The following SEH1L variants were observed in gnomAD, a reference collection of about 807,000 sequenced individuals.
SEH1L encodes nucleoporin SEH1.
Under a neutral mutation model 49.5 loss-of-function variants are expected in SEH1L, and 18 were observed. That is an observed-to-expected ratio of 0.36 (90% CI 0.25 to 0.54). The LOEUF (loss-of-function observed/expected upper bound fraction) is 0.54, where lower values mean the gene tolerates loss of function less well. SEH1L is among the 20% of genes least tolerant of loss of function. The pLI is 0.87. For synonymous variants in SEH1L, 169 were observed against 178.1 expected (o/e 0.95, Z 0.41); for missense variants, 404 against 528.8 (o/e 0.76, Z 2.31).
In SEH1L at chr18:12,971,257, T is replaced by A; in HGVS notation, c.620+6T>A. 1.9e-6 allele frequency: 3 copies of A among 1,578,838 alleles called. No homozygotes were observed. Among genetic ancestry groups the A allele is most frequent in the Non-Finnish European group, 2.6e-6 (3 of 1,149,170 alleles). ...GAATATAATGAAAACACCAGGTCAG[T>A]CCTGCTTTGGTTTTAATAATTGTTC... is the stretch of plus-strand genomic sequence containing the variant. On this transcript the variant is annotated splice_donor_region_variant and intron_variant, in intron 5 of 8. Coordinates refer to ENST00000399892, the MANE Select transcript of SEH1L (RefSeq NM_001013437.2).
At chr18:12,952,015 C>G in intron 2 of SEH1L, 110 bp downstream of exon 2, 1 of 556,436 alleles carries the variant, frequency 1.8e-6, no homozygotes, top group Non-Finnish European at 3.0e-6. Flanking sequence ...AGTTCTTTTC[C>G]TGGGAAGACA....
intron 3 of SEH1L, among the ~76,000 whole-genome samples, chr18:12,956,136 C>T (rs1318899803): frequency 6.6e-6 from 1 of 151,866 alleles, no homozygotes; most frequent in Non-Finnish European, 1.5e-5. Flanking sequence ...GCTCCGCCTC[C>T]CGGGTTCACG....
At chr18:12,955,636 A>G in intron 3 of SEH1L, 27 bp downstream of exon 3, 1 of 1,608,770 alleles carries the variant, frequency 6.2e-7, no homozygotes, top group Non-Finnish European at 8.5e-7. Context: ...TATTCTGGGG[A>G]CCGGGAAGAC....
At chr18:12,983,821 T>A (rs1361120690) in intron 7 of SEH1L, among the ~76,000 whole-genome samples, 1 of 152,226 alleles carries the variant, frequency 6.6e-6, no homozygotes. Flanking sequence ...AGCTTTATAT[T>A]TTTAAAATTA....
chr18:12,948,376 G>A, intron 1 of SEH1L, 144 bp downstream of exon 1: 1 of 593,052 alleles, frequency 1.7e-6, no homozygotes, highest in Non-Finnish European at 2.9e-6. Context: ...TGGACTGAGC[G>A]GAAGCCCTCC....
chr18:12,978,884 G>T lies in SEH1L; in HGVS notation c.753G>T (p.Lys251Asn), dbSNP rs745846105. 1 of 1,613,726 alleles carries T rather than the reference G, an allele frequency of 6.2e-7. No homozygotes were observed. The highest frequency in any genetic ancestry group is 2.2e-5 in the East Asian group (1 of 44,862). ...AAGATGTGAGAATTTTTACATTAAA[G>T]CCTGTGAGGTGAGTTTTAGAAGCAT... The part of the protein sequence containing the change: ...ATKDVRIFTL[K>N]PVRKELTSSG... The change falls in exon 6 of 9, where the codon AAG becomes AAT. Residue 251 changes from lysine to asparagine, a missense_variant. Lys to Asn is a moderately conservative substitution (Grantham distance 94, BLOSUM62 0). Around this residue, in one of 3 missense-constraint regions of SEH1L, gnomAD observed 342 missense variants for 430.8 expected, o/e 0.79. Coordinates refer to ENST00000399892, the MANE Select transcript of SEH1L (RefSeq NM_001013437.2).
At chr18:12,961,521 G>A (rs1024562253) in intron 3 of SEH1L, among the ~76,000 whole-genome samples, 3 of 152,254 alleles carry the variant, frequency 2.0e-5, no homozygotes, top group East Asian at 1.9e-4. Context: ...ATTTGTGTTT[G>A]TATTAATTAT....
At chr18:12,949,184 A>G (rs1026033061) in intron 1 of SEH1L, among the ~76,000 whole-genome samples, 7 of 151,522 alleles carry the variant, frequency 4.6e-5, no homozygotes, top group African/African-American at 1.7e-4. Flanking sequence ...AGAATTTCTA[A>G]TGTGGGGATG....
chr18:12,979,117 G>A (rs1228376728), intron 6 of SEH1L, among the ~76,000 whole-genome samples: 2 of 150,186 alleles, frequency 1.3e-5, no homozygotes, highest in Non-Finnish European at 3.0e-5. Context: ...TTCTCCCAGA[G>A]GGGGATTTGG....
At position 12,987,019 on chromosome 18, in the gene SEH1L, C is replaced by T. The variant is rs143231376; in HGVS notation, c.1228C>T (p.Arg410Trp). ...YPHPRRRYLS[R>W]PLNPLPENEG... ...TCACCCTCGCAGACGATATCTCTCT[C>T]GGCCTCTTAATCCCTTACCTGAGAA... Residue 410 changes from arginine (R) to tryptophan (W), a missense_variant, in exon 9 of 9, where the codon CGG becomes TGG. Physicochemically the swap from Arg to Trp is moderately radical, Grantham distance 101 (BLOSUM62 -3). This residue lies in a region of SEH1L where 342 missense variants were observed against 430.8 expected (regional missense o/e 0.79). Transcript: ENST00000399892. 7.8e-5 allele frequency: 126 copies of T among 1,612,590 alleles called. No homozygotes were observed. The highest frequency in any genetic ancestry group is 9.9e-5 in the Non-Finnish European group (117 of 1,179,132).
At chr18:12,980,903 G>T (rs1432946229) in intron 6 of SEH1L, among the ~76,000 whole-genome samples, 3 of 148,864 alleles carry the variant, frequency 2.0e-5, no homozygotes, top group African/African-American at 7.4e-5. Flanking sequence ...CGGACGGGGC[G>T]GCTGGCCGGG....
At chr18:12,972,674 C>T (rs760062235) in intron 5 of SEH1L, 1 of 152,214 alleles carries the variant, frequency 6.6e-6, no homozygotes, top group African/African-American at 2.4e-5. Context: ...CACCTTCTAC[C>T]TTCCTAGATT....
intron 1 of SEH1L, 22 bp from the exon 2 acceptor site, chr18:12,951,833 T>C (rs2030550117): frequency 2.7e-6 from 4 of 1,486,196 alleles, no homozygotes; most frequent in South Asian, 1.2e-5. Flanking sequence ...GTATAAAATA[T>C]CTGCCTTTTA....
intron 4 of SEH1L, among the ~76,000 whole-genome samples, chr18:12,969,242 G>GA (rs2031590019): frequency 8.9e-6 from 1 of 111,890 alleles, no homozygotes; most frequent in East Asian, 3.0e-4. Flanking sequence ...TCACCAAAAA[G>GA]AAAAAACAAC....
At chr18:12,980,578 A>G (rs1347928566) in intron 6 of SEH1L, among the ~76,000 whole-genome samples, 2 of 89,964 alleles carry the variant, frequency 2.2e-5, no homozygotes. Flanking sequence ...TGACCCCCCC[A>G]CCTCCCTCCC....
At position 12,949,698 on chromosome 18, in the gene SEH1L, C is replaced by T. The variant is rs527400741; in HGVS notation, c.111+1466C>T. Among the ~76,000 whole-genome samples the T allele has an allele frequency of 1.5e-4, 23 of 151,862 alleles. 1 individual carries two copies. Among genetic ancestry groups the T allele is most frequent in the African/African-American group, 4.8e-4 (20 of 41,408 alleles). On this transcript the variant is annotated intron_variant, in intron 1 of 8. Coordinates refer to ENST00000399892, the MANE Select transcript of SEH1L (RefSeq NM_001013437.2). ...TCTATCTCCTGACCTCGTGATCCGC[C>T]CACCTCGGCCTCCCAAAGTGCTAGG...
At chr18:12,980,598 A>G (rs868859764) in intron 6 of SEH1L, among the ~76,000 whole-genome samples, 462 of 33,816 alleles carry the variant, frequency 0.014, no homozygotes, top group Middle Eastern at 0.062. Flanking sequence ...CGGACGGGGC[A>G]GCTGGCCGGG....
intron 6 of SEH1L, among the ~76,000 whole-genome samples, chr18:12,981,467 C>T (rs1008093746): frequency 1.3e-5 from 2 of 152,210 alleles, no homozygotes; most frequent in African/African-American, 2.4e-5. Context: ...CTCGGGAGGC[C>T]GAGGCTGGCG....
At chr18:12,971,461 C>T (rs911717596) in intron 5 of SEH1L, 34 of 338,580 alleles carry the variant, frequency 1.0e-4, no homozygotes, top group Non-Finnish European at 1.6e-4. Context: ...GGTGAAACCC[C>T]GTCTCTACTA....
Sources: gnomAD v4.1 joint callset for allele counts (sites outside exome capture counted in the v4.1 genomes callset) on GRCh38, gnomAD v4.1.1 for gene constraint, gnomAD v4.1.1 regional missense constraint, MANE v1.5 for transcripts, NCBI Gene and HGNC (gene_info 2026-07-23, HGNC 2026-07-21) for gene names.